Variants in FSIP2 observed in about 807,000 individuals in gnomAD.
The protein encoded by FSIP2 is fibrous sheath-interacting protein 2.
FSIP2 carries 367 observed loss-of-function variants against 510.5 expected under a neutral mutation model. The ratio of observed to expected loss-of-function variants is 0.72; its 90% CI spans 0.66 to 0.78. The LOEUF (loss-of-function observed/expected upper bound fraction) is 0.78, where lower values mean the gene tolerates loss of function less well. Ranked by LOEUF, FSIP2 falls within the 30% of genes least tolerant of loss-of-function variation. FSIP2 has a pLI of 0.00. For missense variants in FSIP2, 7,594 were observed against 7,901.7 expected (o/e 0.96, Z 1.48); for synonymous variants, 2,601 against 2,732.2 (o/e 0.95, Z 1.50).
chr2:185,806,401 T>C lies in FSIP2; in HGVS notation c.17095T>C (p.Tyr5699His). The C allele has an allele frequency of 6.2e-7, 1 of 1,611,998 alleles. No individual in the cohort carries two copies. The highest frequency in any genetic ancestry group is 8.5e-7 in the Non-Finnish European group (1 of 1,178,678). ...ACTATCTTCTTCTCCAGAACCAGCA[T>C]ATTATTCGAAACTCAGTTATGACCA... The part of the protein sequence containing the change: ...LELSSSPEPA[Y>H]YSKLSYDQSP... Residue 5699 changes from tyrosine (Y) to histidine (H), a missense_variant, in exon 17 of 23, where the codon TAT becomes CAT. Tyr to His is a moderately conservative substitution (Grantham distance 83). Coordinates refer to ENST00000424728, the MANE Select transcript of FSIP2 (RefSeq NM_173651.4).
chr2:185,782,232 A>T lies in FSIP2; in HGVS notation c.1412-473A>T, dbSNP rs147498311. ...AGAGTAAACATAATTACTGTGTAGCATGATGAGTTTTATAATATAGACATG... is the reference window on the plus strand; with the variant it reads ...AGAGTAAACATAATTACTGTGTAGCTTGATGAGTTTTATAATATAGACATG... On this transcript the variant is annotated intron_variant, in intron 13 of 22. Coordinates refer to ENST00000424728, the MANE Select transcript of FSIP2 (RefSeq NM_173651.4). 2.0e-5 allele frequency among the ~76,000 whole-genome samples: 3 copies of T among 152,342 alleles called. No individual in the cohort carries two copies. In the South Asian group the frequency reaches 6.2e-4, roughly 32 times the overall value.
intron 15 of FSIP2, among the ~76,000 whole-genome samples, chr2:185,787,709 A>C (rs1218815208): frequency 1.3e-5 from 2 of 151,768 alleles, no homozygotes; most frequent in Non-Finnish European, 3.0e-5. Context: ...GGTCCAGTTC[A>C]AATCTATGAC....
chr2:185,784,357 T>A (rs1692917466), intron 14 of FSIP2, among the ~76,000 whole-genome samples: 1 of 152,106 alleles, frequency 6.6e-6, no homozygotes, highest in African/African-American at 2.4e-5. Context: ...ACTTGTAGTT[T>A]ATTTATTGGG....
At chr2:185,816,448 C>T (rs1157179979) in intron 19 of FSIP2, among the ~76,000 whole-genome samples, 1 of 151,892 alleles carries the variant, frequency 6.6e-6, no homozygotes, top group African/African-American at 2.4e-5. Flanking sequence ...GTTCTGATTT[C>T]CCCATGGAAA....
rs746330366 is a variant in FSIP2, at chr2:185,745,430, G to T, written c.479G>T (p.Arg160Ile). ...GTAATACACACATTTCTTAAATAGAGAATACTTGCAAAACAACTACATAAC... is the reference window on the plus strand; with the variant it reads ...GTAATACACACATTTCTTAAATAGATAATACTTGCAAAACAACTACATAAC... ...DFERNYIKEQ[R>I]ILAKQLHNIP... The change falls in exon 5 of 23, where the codon AGA becomes ATA. Residue 160 changes from arginine to isoleucine, a missense_variant and splice_region_variant. By Grantham distance (97) the Arg-to-Ile change is moderately conservative. Coordinates refer to ENST00000424728, the MANE Select transcript of FSIP2 (RefSeq NM_173651.4). 67 of 1,523,828 alleles carry T rather than the reference G, an allele frequency of 4.4e-5. 1 individual carries two copies. In the South Asian group the frequency reaches 7.7e-4, roughly 17 times the overall value. The allele number at this position is 1,523,828 out of a possible 1,614,324, so 94.4% of individuals were successfully genotyped here. A position where few individuals can be genotyped will look rare whatever the true frequency, so the allele number is the denominator to read the frequency against.
At position 185,744,419 on chromosome 2, in the gene FSIP2, A is replaced by G; in HGVS notation, c.477+8A>G. On this transcript the variant is annotated splice_region_variant and intron_variant, in intron 4 of 22. Transcript: ENST00000424728. ...AACTATATAAAAGAACAAGTAAGTT[A>G]AATACTTAAATTTGGTTTATTTACA... 1 of 770,026 alleles carries G rather than the reference A, an allele frequency of 1.3e-6. No homozygotes were observed. The highest frequency in any genetic ancestry group is 1.9e-6 in the Non-Finnish European group (1 of 536,566). The allele number at this position is 770,026 out of a possible 1,614,324, so 47.7% of individuals were successfully genotyped here.
In FSIP2 at chr2:185,790,473, A is replaced by G; in HGVS notation, c.3337A>G (p.Ile1113Val). ...GGCTTCAGAAAACATAGTCACAAGT[A>G]TTTTAAAGGAAATGCTCAAGGACAT... is the stretch of plus-strand genomic sequence containing the variant. ...EKASENIVTS[I>V]LKEMLKDISS... Residue 1113 changes from isoleucine to valine, a missense_variant, in exon 16 of 23, where the codon ATT becomes GTT. Physicochemically the swap from Ile to Val is conservative, Grantham distance 29. Transcript: ENST00000424728. 2 of 1,534,096 alleles carry G rather than the reference A, an allele frequency of 1.3e-6. No homozygotes were observed. Among genetic ancestry groups the G allele is most frequent in the Non-Finnish European group, 8.7e-7 (1 of 1,145,542 alleles).
At position 185,739,056 on chromosome 2, in the gene FSIP2, G is replaced by A. The variant is rs1044969785; in HGVS notation, c.99+63G>A. The A allele has an allele frequency of 1.3e-5, 19 of 1,485,488 alleles. No homozygotes were observed. The Admixed American group carries it at 3.4e-4, about 26-fold the overall frequency. The allele number at this position is 1,485,488 out of a possible 1,614,324, so 92.0% of individuals were successfully genotyped here. ...GGCCGCAGGCCTGCTGGGGAGCGGG[G>A]CAGGGATCGCCACACACGGGTCGCG... is the stretch of plus-strand genomic sequence containing the variant. On this transcript the variant is annotated intron_variant, in intron 1 of 22. Coordinates refer to ENST00000424728, the MANE Select transcript of FSIP2 (RefSeq NM_173651.4).
At position 185,782,697 on chromosome 2, in the gene FSIP2, A is replaced by G; in HGVS notation, c.1412-8A>G. ...CAAACTATGTAATTTTATTTTTCTGATAAATAGGACCTCAGGCTCATGCTA... is the reference window on the plus strand; with the variant it reads ...CAAACTATGTAATTTTATTTTTCTGGTAAATAGGACCTCAGGCTCATGCTA... On this transcript the variant is annotated splice_region_variant and splice_polypyrimidine_tract_variant and intron_variant, in intron 13 of 22. Transcript: ENST00000424728. The G allele has an allele frequency of 6.7e-7, 1 of 1,498,956 alleles. No individual in the cohort carries two copies. The highest frequency in any genetic ancestry group is 9.0e-7 in the Non-Finnish European group (1 of 1,113,002). The allele number at this position is 1,498,956 out of a possible 1,614,324, so 92.9% of individuals were successfully genotyped here. A position where few individuals can be genotyped will look rare whatever the true frequency, so the allele number is the denominator to read the frequency against.
intron 17 of FSIP2, 143 bp from the exon 18 acceptor site, chr2:185,813,402 T>A (rs906697280): frequency 2.2e-6 from 1 of 457,666 alleles, no homozygotes; most frequent in East Asian, 3.6e-5. Flanking sequence ...TTTAAAAATA[T>A]TGCTAATATA....
chr2:185,799,025 T>C (rs775090123), intron 16 of FSIP2, among the ~76,000 whole-genome samples: 2 of 151,870 alleles, frequency 1.3e-5, no homozygotes, highest in Non-Finnish European at 2.9e-5. Context: ...GGAAAAAAAC[T>C]GTGTTGCTCT....
In FSIP2 at chr2:185,803,565, T is replaced by C; in HGVS notation, c.14259T>C (p.Phe4753=). The C allele has an allele frequency of 6.5e-7, 1 of 1,532,896 alleles. No homozygotes were observed. Among genetic ancestry groups the C allele is most frequent in the African/African-American group, 1.4e-5 (1 of 72,952 alleles). 95.0% of individuals were successfully genotyped at this position (1,532,896 alleles called of 1,614,324 possible). Residue 4753 remains phenylalanine, a synonymous_variant, in exon 17 of 23, where the codon TTT becomes TTC. Transcript: ENST00000424728. ...CAGATCTTATAGCAAATCTGCCTTT[T>C]AAATCACATTCCAAACTCAGTGCAA... is the stretch of plus-strand genomic sequence containing the variant. ...IHPDLIANLP[F]KSHSKLSANV...
upstream of FSIP2, chr2:185,738,280 A>T: frequency 3.3e-6 from 1 of 304,640 alleles, no homozygotes; most frequent in South Asian, 3.3e-5. Context: ...AAAGAGGGAA[A>T]TAGGATCAAG....
intron 17 of FSIP2, 62 bp from the exon 18 acceptor site, chr2:185,813,483 T>C (rs1693774841): frequency 2.9e-6 from 3 of 1,028,362 alleles, no homozygotes; most frequent in South Asian, 2.3e-5. Flanking sequence ...TACATCATAA[T>C]TGAACTATAG....
In FSIP2 at chr2:185,806,271, G is replaced by A. The variant is rs915840851; in HGVS notation, c.16965G>A (p.Glu5655=). 5 of 1,609,606 alleles carry A rather than the reference G, an allele frequency of 3.1e-6. No individual in the cohort carries two copies. The highest frequency in any genetic ancestry group is 2.2e-5 in the East Asian group (1 of 44,656). The change falls in exon 17 of 23, where the codon GAG becomes GAA. Residue 5655 remains glutamate (E), a synonymous_variant. Coordinates refer to ENST00000424728, the MANE Select transcript of FSIP2 (RefSeq NM_173651.4). ...LEIRIRTSSN[E]GRRDSPTQTC... ...TAAGAATTCGAACATCAAGCAATGA[G>A]GGGAGAAGAGACTCTCCAACACAAA...
chr2:185,816,098 T>C (rs951643959), intron 19 of FSIP2, among the ~76,000 whole-genome samples: 2 of 152,058 alleles, frequency 1.3e-5, no homozygotes, highest in Non-Finnish European at 2.9e-5. Flanking sequence ...AGTGAAAACA[T>C]CTAAATTTGT....
chr2:185,785,662 TAAC>T (rs1356666035), intron 14 of FSIP2, among the ~76,000 whole-genome samples: 3 of 152,028 alleles, frequency 2.0e-5, no homozygotes, highest in Admixed American at 6.6e-5. Context: ...ACGGTAAATC[TAAC>T]AACACATGAT....
intron 17 of FSIP2, among the ~76,000 whole-genome samples, chr2:185,811,076 T>A (rs1040595136): frequency 6.6e-6 from 1 of 152,076 alleles, no homozygotes; most frequent in Non-Finnish European, 1.5e-5. Context: ...CTTGACAGCC[T>A]ATTCTCAGAT....
At chr2:185,823,396 G>C (rs1368877208) in intron 19 of FSIP2, among the ~76,000 whole-genome samples, 2 of 151,540 alleles carry the variant, frequency 1.3e-5, no homozygotes, top group Admixed American at 1.3e-4. Context: ...AATGTGCAAA[G>C]GACTTGAATA....
Sources: allele counts gnomAD v4.1 joint callset (sites outside exome capture counted in the v4.1 genomes callset), GRCh38; gene constraint gnomAD v4.1.1; transcripts MANE v1.5; gene names NCBI Gene and HGNC (gene_info 2026-07-23, HGNC 2026-07-21).